C17orf113: variants seen among roughly 807,000 people sequenced by gnomAD.
C17orf113 encodes chromosome 17 open reading frame 113.
A neutral mutation model predicts 11.6 loss-of-function variants in C17orf113; 5 were observed. The ratio of observed to expected loss-of-function variants is 0.43; its 90% CI spans 0.23 to 0.91. The LOEUF is 0.91. Ranked by LOEUF, C17orf113 falls within the 40% of genes least tolerant of loss-of-function variation. C17orf113 has a pLI of 0.26. For synonymous variants in C17orf113, 327 were observed against 390.6 expected (o/e 0.84, Z 1.92); for missense variants, 714 against 841.3 (o/e 0.85, Z 1.87).
rs868948373 is a variant in C17orf113 at position 42,040,234 on chromosome 17, T to C, written c.1499A>G (p.Lys500Arg). 9 of 1,231,436 alleles carry C rather than the reference T, an allele frequency of 7.3e-6. No homozygotes were observed. In the African/African-American group the frequency reaches 1.4e-4, roughly 19 times the overall value. 76.3% of individuals were successfully genotyped at this position (1,231,436 alleles called of 1,614,324 possible). A position where few individuals can be genotyped will look rare whatever the true frequency, so the allele number is the denominator to read the frequency against. Residue 500 changes from lysine (K) to arginine (R), a missense_variant, in exon 3 of 3, where the codon AAG becomes AGG. Transcript: ENST00000587304. ...LRGSFLDSMR[K>R]GLQDSYPGPS... ...CCCGGGGTAGGAGTCCTGTAGGCCC[T>C]TCCGCATGGAGTCCAGGAAGGATCC...
At chr17:42,048,933 C>G (rs1257473923) in intron 1 of C17orf113, among the ~76,000 whole-genome samples, 1 of 93,738 alleles carries the variant, frequency 1.1e-5, no homozygotes, top group Admixed American at 1.4e-4. Context: ...CAGAGCAAGA[C>G]TCCATCTCAA....
At position 42,040,832 on chromosome 17, in the gene C17orf113, G is replaced by A. The variant is rs1335858050; in HGVS notation, c.901C>T (p.Arg301Trp). Residue 301 changes from arginine to tryptophan, a missense_variant, in exon 3 of 3, where the codon CGG (arginine) becomes TGG (tryptophan). Transcript: ENST00000587304. Reference protein sequence around the residue: ...LLAELHCLPGRTDPEPPAYLG... With the variant: ...LLAELHCLPGWTDPEPPAYLG... Reference sequence around the variant, plus strand: ...TAGGCCGGGGGCTCAGGATCTGTCCGGCCAGGGAGACAATGCAGCTCTGCC... The same window carrying A: ...TAGGCCGGGGGCTCAGGATCTGTCCAGCCAGGGAGACAATGCAGCTCTGCC... 13 of 1,232,246 alleles carry A rather than the reference G, an allele frequency of 1.1e-5. No individual in the cohort carries two copies. The African/African-American group carries it at 1.4e-4, about 13-fold the overall frequency. 76.3% of individuals were successfully genotyped at this position (1,232,246 alleles called of 1,614,324 possible).
In C17orf113 at chr17:42,040,162, C is replaced by T. The variant is rs553601926; in HGVS notation, c.1571G>A (p.Arg524Gln). The part of the protein sequence containing the change: ...VAAFAAIFDP[R>Q]RYPQAPEELG... ...CTCCTCCGGCGCCTGCGGGTAGCGT[C>T]GGGGGTCGAAGATCGCTGCGAAGGC... Residue 524 changes from arginine (R) to glutamine (Q), a missense_variant, in exon 3 of 3, where the codon CGA (arginine) becomes CAA (glutamine). Physicochemically the swap from Arg to Gln is conservative, Grantham distance 43. Transcript: ENST00000587304. 11 of 1,231,554 alleles carry T rather than the reference C, an allele frequency of 8.9e-6. No individual in the cohort carries two copies. The South Asian group carries it at 2.1e-4, about 23-fold the overall frequency. 76.3% of individuals were successfully genotyped at this position (1,231,554 alleles called of 1,614,324 possible).
In C17orf113 at chr17:42,042,878, C is replaced by T. The variant is rs1241664183; in HGVS notation, c.499G>A (p.Glu167Lys). 3 of 1,232,232 alleles carry T rather than the reference C, an allele frequency of 2.4e-6. No homozygotes were observed. The highest frequency in any genetic ancestry group is 8.4e-5 in the Admixed American group (2 of 23,710). The allele number at this position is 1,232,232 out of a possible 1,614,324, so 76.3% of individuals were successfully genotyped here. ...FNLCQALLGT[E>K]HGDYYSPRRV... ...CTGGGACTGTAGTAATCGCCATGCT[C>T]TGTGCCCAGCAGTGCCTGGCACAGG... Residue 167 changes from glutamate (E) to lysine (K), a missense_variant, in exon 2 of 3, where the codon GAG becomes AAG. Physicochemically the swap from Glu to Lys is moderately conservative, Grantham distance 56 (BLOSUM62 1). Coordinates refer to ENST00000587304, the MANE Select transcript of C17orf113 (RefSeq NM_001358661.2).
rs1598184683 is a variant in C17orf113 at position 42,040,433 on chromosome 17, C to T, written c.1300G>A (p.Ala434Thr). The change falls in exon 3 of 3, where the codon GCG becomes ACG. Residue 434 changes from alanine to threonine, a missense_variant. Ala to Thr is a moderately conservative substitution (Grantham distance 58, BLOSUM62 0). Transcript: ENST00000587304. ...DLALLQPLVM[A>T]AAASLQAQRG... ...TGAGCTTGGAGGGAGGCCGCAGCCG[C>T]CATCACCAGAGGCTGCAGCAAGGCC... The T allele has an allele frequency of 8.1e-6, 10 of 1,232,140 alleles. No individual in the cohort carries two copies. The East Asian group carries it at 3.2e-4, about 39-fold the overall frequency. 76.3% of individuals were successfully genotyped at this position (1,232,140 alleles called of 1,614,324 possible). A position where few individuals can be genotyped will look rare whatever the true frequency, so the allele number is the denominator to read the frequency against.
intron 1 of C17orf113, among the ~76,000 whole-genome samples, chr17:42,046,470 T>C (rs1229749827): frequency 6.6e-6 from 1 of 151,930 alleles, no homozygotes; most frequent in Non-Finnish European, 1.5e-5. Flanking sequence ...CATGGTGGTG[T>C]ATGCCTGTAG....
Position 42,041,172 on chromosome 17 carries a change from G to T in C17orf113, c.561C>A (p.Val187=). ...VRDMQVAIAS[V]LHTEACQRLK... is the part of the protein sequence containing the mutation. The stretch of plus-strand genomic sequence containing the variant: ...GGCGCTGGCAGGCCTCTGTGTGCAA[G>T]ACACTGGCAATGGCCACCTGGGACA... Residue 187 remains valine (V), a synonymous_variant, in exon 3 of 3, where the codon GTC becomes GTA. Transcript: ENST00000587304. 8.1e-7 allele frequency: 1 copy of T among 1,232,484 alleles called. No homozygotes were observed. The highest frequency in any genetic ancestry group is 1.0e-6 in the Non-Finnish European group (1 of 988,204). The allele number at this position is 1,232,484 out of a possible 1,614,324, so 76.3% of individuals were successfully genotyped here.
rs2052989908 is a variant in C17orf113 at position 42,040,435 on chromosome 17, A to C, written c.1298T>G (p.Met433Arg). 2.4e-6 allele frequency: 3 copies of C among 1,232,006 alleles called. No individual in the cohort carries two copies. Among genetic ancestry groups the C allele is most frequent in the Non-Finnish European group, 3.0e-6 (3 of 987,962 alleles). The allele number at this position is 1,232,006 out of a possible 1,614,324, so 76.3% of individuals were successfully genotyped here. The change falls in exon 3 of 3, where the codon ATG becomes AGG. Residue 433 changes from methionine to arginine, a missense_variant. Met to Arg is a moderately conservative substitution (Grantham distance 91). This residue lies in a region of C17orf113 where 516 missense variants were observed against 626.6 expected (regional missense o/e 0.82). Transcript: ENST00000587304. The part of the protein sequence containing the change: ...PDLALLQPLV[M>R]AAAASLQAQR... ...AGCTTGGAGGGAGGCCGCAGCCGCC[A>C]TCACCAGAGGCTGCAGCAAGGCCAA...
Position 42,050,252 on chromosome 17 carries a change from C to G in C17orf113, c.-188+305G>C, listed in dbSNP as rs2053253127. ...CCAGAATGTGGGTCCCGAGCCTCCT[C>G]CCCGGGCTCCTGGGGGCCCCTTGCT... is the stretch of plus-strand genomic sequence containing the variant. On this transcript the variant is annotated intron_variant, in intron 1 of 2. Coordinates refer to ENST00000587304, the MANE Select transcript of C17orf113 (RefSeq NM_001358661.2). The surrounding 1 kb of genome is among the most constrained non-coding windows in gnomAD (Gnocchi z 5.6). Among the ~76,000 whole-genome samples, 1 of 152,214 alleles carries G rather than the reference C, an allele frequency of 6.6e-6. No individual in the cohort carries two copies. The highest frequency in any genetic ancestry group is 1.5e-5 in the Non-Finnish European group (1 of 68,010).
Position 42,040,617 on chromosome 17 carries a change from C to G in C17orf113, c.1116G>C (p.Val372=). 1 of 1,232,350 alleles carries G rather than the reference C, an allele frequency of 8.1e-7. No homozygotes were observed. The highest frequency in any genetic ancestry group is 4.1e-5 in the South Asian group (1 of 24,328). The allele number at this position is 1,232,350 out of a possible 1,614,324, so 76.3% of individuals were successfully genotyped here. A position where few individuals can be genotyped will look rare whatever the true frequency, so the allele number is the denominator to read the frequency against. ...CAAGGGCTGCAGCCTCCAGGGTGGGCACCAGGCCAGGCCAGGCCTCGGCCA... is the reference window on the plus strand; with the variant it reads ...CAAGGGCTGCAGCCTCCAGGGTGGGGACCAGGCCAGGCCAGGCCTCGGCCA... ...EAVAEAWPGL[V]PTLEAAALAS... The change falls in exon 3 of 3, where the codon GTG becomes GTC. Residue 372 remains valine, a synonymous_variant. Transcript: ENST00000587304.
At chr17:42,049,708 C>T (rs1446221956) in intron 1 of C17orf113, among the ~76,000 whole-genome samples, 1 of 152,236 alleles carries the variant, frequency 6.6e-6, no homozygotes, top group Non-Finnish European at 1.5e-5. Context: ...CCATGTACAT[C>T]GAAGCTGCCT....
intron 2 of C17orf113, among the ~76,000 whole-genome samples, chr17:42,041,493 C>T (rs2053020147): frequency 6.6e-6 from 1 of 152,130 alleles, no homozygotes; most frequent in Non-Finnish European, 1.5e-5. Context: ...AATACCAGCC[C>T]GAAATCTTCT....
intron 1 of C17orf113, among the ~76,000 whole-genome samples, chr17:42,048,112 A>G (rs1454534854): frequency 1.3e-5 from 2 of 151,854 alleles, no homozygotes; most frequent in Non-Finnish European, 2.9e-5. Flanking sequence ...CCAACTTCAA[A>G]TTGTCTAACA....
chr17:42,040,615 G>A lies in C17orf113; in HGVS notation c.1118C>T (p.Pro373Leu). 1.6e-6 allele frequency: 2 copies of A among 1,232,362 alleles called. No individual in the cohort carries two copies. The highest frequency in any genetic ancestry group is 8.2e-5 in the South Asian group (2 of 24,328). 76.3% of individuals were successfully genotyped at this position (1,232,362 alleles called of 1,614,324 possible). Reference protein sequence around the residue: ...AVAEAWPGLVPTLEAAALASP... With the variant: ...AVAEAWPGLVLTLEAAALASP... Reference sequence around the variant, plus strand: ...GGCAAGGGCTGCAGCCTCCAGGGTGGGCACCAGGCCAGGCCAGGCCTCGGC... The same window carrying A: ...GGCAAGGGCTGCAGCCTCCAGGGTGAGCACCAGGCCAGGCCAGGCCTCGGC... The change falls in exon 3 of 3, where the codon CCC becomes CTC. Residue 373 changes from proline (P) to leucine (L), a missense_variant. This residue lies in a region of C17orf113 where 516 missense variants were observed against 626.6 expected (regional missense o/e 0.82). Transcript: ENST00000587304.
In C17orf113 at chr17:42,040,498, T is replaced by A. The variant is rs1567986667; in HGVS notation, c.1235A>T (p.Gln412Leu). Residue 412 changes from glutamine (Q) to leucine (L), a missense_variant, in exon 3 of 3, where the codon CAG (glutamine) becomes CTG (leucine). By Grantham distance (113) the Gln-to-Leu change is moderately radical. Around this residue, in one of 3 missense-constraint regions of C17orf113, gnomAD observed 516 missense variants for 626.6 expected, o/e 0.82. Coordinates refer to ENST00000587304, the MANE Select transcript of C17orf113 (RefSeq NM_001358661.2). ...HLLLDALPSV[Q>L]KLSLVLQAEE... ...TGCCTGCAGGACAAGGGAGAGCTTCTGCACAGAGGGCAGGGCATCCAGCAG... is the reference window on the plus strand; with the variant it reads ...TGCCTGCAGGACAAGGGAGAGCTTCAGCACAGAGGGCAGGGCATCCAGCAG... 2.4e-6 allele frequency: 3 copies of A among 1,232,494 alleles called. No individual in the cohort carries two copies. Among genetic ancestry groups the A allele is most frequent in the Non-Finnish European group, 2.0e-6 (2 of 988,256 alleles). The allele number at this position is 1,232,494 out of a possible 1,614,324, so 76.3% of individuals were successfully genotyped here.
intron 1 of C17orf113, among the ~76,000 whole-genome samples, chr17:42,047,002 A>T (rs1474030010): frequency 6.6e-6 from 1 of 150,730 alleles, no homozygotes; most frequent in Middle Eastern, 3.2e-3. Flanking sequence ...AACTGGGATT[A>T]CAGGCACATG....
Position 42,039,415 on chromosome 17 carries a change from A to G in C17orf113, c.*290T>C. 1 of 314,894 alleles carries G rather than the reference A, an allele frequency of 3.2e-6. No homozygotes were observed. Among genetic ancestry groups the G allele is most frequent in the Non-Finnish European group, 5.8e-6 (1 of 173,014 alleles). 19.5% of individuals were successfully genotyped at this position (314,894 alleles called of 1,614,324 possible). ...ACTTGCCCCGAGTCCAGAAGGGAAA[A>G]GGGTGAGCTACTCCTCATCTAACTG... On this transcript the variant is annotated 3_prime_UTR_variant, in exon 3 of 3. Transcript: ENST00000587304.
Position 42,040,595 on chromosome 17 carries a change from G to C in C17orf113, c.1138C>G (p.Leu380Val). 8.1e-7 allele frequency: 1 copy of C among 1,232,496 alleles called. No individual in the cohort carries two copies. Among genetic ancestry groups the C allele is most frequent in the Non-Finnish European group, 1.0e-6 (1 of 988,216 alleles). The allele number at this position is 1,232,496 out of a possible 1,614,324, so 76.3% of individuals were successfully genotyped here. ...GLVPTLEAAA[L>V]ASPVAGSLAL... ...AGTGACCCCGCCACAGGTGAGGCAA[G>C]GGCTGCAGCCTCCAGGGTGGGCACC... Residue 380 changes from leucine (L) to valine (V), a missense_variant, in exon 3 of 3, where the codon CTT (leucine) becomes GTT (valine). This residue lies in a region of C17orf113 where 516 missense variants were observed against 626.6 expected (regional missense o/e 0.82). Coordinates refer to ENST00000587304, the MANE Select transcript of C17orf113 (RefSeq NM_001358661.2).
rs1555656223 is a variant in C17orf113, at chr17:42,042,487, T to A, written c.543+347A>T. Reference sequence around the variant, plus strand: ...CAGTGAGCTGAGATCACGCCACTGCTCTCCAGCCTGGGTGACAGAGTGAGA... The same window carrying A: ...CAGTGAGCTGAGATCACGCCACTGCACTCCAGCCTGGGTGACAGAGTGAGA... On this transcript the variant is annotated intron_variant, in intron 2 of 2. Coordinates refer to ENST00000587304, the MANE Select transcript of C17orf113 (RefSeq NM_001358661.2). 2.0e-5 allele frequency among the ~76,000 whole-genome samples: 3 copies of A among 150,404 alleles called. No homozygotes were observed. In the South Asian group the frequency reaches 6.3e-4, roughly 32 times the overall value.
Sources: allele counts gnomAD v4.1 joint callset (sites outside exome capture counted in the v4.1 genomes callset), GRCh38; gene constraint gnomAD v4.1.1; regional missense constraint gnomAD v4.1.1; non-coding constraint Gnocchi (gnomAD v3.1); transcripts MANE v1.5; gene names NCBI Gene and HGNC (gene_info 2026-07-23, HGNC 2026-07-21).